CACNA1E: variants seen among roughly 807,000 people sequenced by gnomAD.
CACNA1E encodes voltage-dependent R-type calcium channel subunit alpha-1E.
CACNA1E carries 40 observed loss-of-function variants against 259.2 expected under a neutral mutation model. That is an observed-to-expected ratio of 0.15 (90% CI 0.12 to 0.20). The LOEUF (loss-of-function observed/expected upper bound fraction) is 0.20, where lower values mean the gene tolerates loss of function less well. Among genes scored for constraint, CACNA1E ranks in the 10% least tolerant of loss-of-function variants. The pLI is 1.00. For missense variants in CACNA1E, 1,874 were observed against 3,040.1 expected (o/e 0.62, Z 9.02); for synonymous variants, 1,104 against 1,138.5 (o/e 0.97, Z 0.61).
chr1:181,710,932 A>G (rs375427769), intron 7 of CACNA1E, 22 bp from the exon 8 acceptor site: 31 of 1,546,108 alleles, frequency 2.0e-5, no homozygotes, highest in Non-Finnish European at 2.7e-5. Context: ...AACCCAGTGA[A>G]TCTTATCCTT....
chr1:181,527,315 C>T (rs1667435194), intron 3 of CACNA1E, among the ~76,000 whole-genome samples: 1 of 152,218 alleles, frequency 6.6e-6, no homozygotes, highest in African/African-American at 2.4e-5. Flanking sequence ...TGTAAGGACA[C>T]TAATCCCATA....
At chr1:181,748,369 A>T (rs1657293247) in intron 25 of CACNA1E, among the ~76,000 whole-genome samples, 1 of 152,206 alleles carries the variant, frequency 6.6e-6, no homozygotes, top group Non-Finnish European at 1.5e-5. Context: ...ATGCTTTACT[A>T]GGATTCTGGG....
rs951952635 is a variant in CACNA1E at position 181,802,207 on chromosome 1, T to TG, written c.*3378dup. On this transcript the variant is annotated 3_prime_UTR_variant, in exon 48 of 48. Transcript: ENST00000367573. ...CATGAGTCATGAACACAATTGTCAG[T>TG]GGGGGTCTCTGCTGCTCTTCTGGCT... 1.3e-5 allele frequency: 2 copies of TG among 152,272 alleles called. No homozygotes were observed. The highest frequency in any genetic ancestry group is 2.9e-5 in the Non-Finnish European group (2 of 68,098). 9.4% of individuals were successfully genotyped at this position (152,272 alleles called of 1,614,324 possible).
chr1:181,322,088 C>G (rs1162858096), intron 1 of CACNA1E, among the ~76,000 whole-genome samples: 3 of 152,142 alleles, frequency 2.0e-5, no homozygotes, highest in Non-Finnish European at 4.4e-5. Flanking sequence ...AGCGACTGCC[C>G]TTGGTCTCCT....
chr1:181,516,912 GTAGA>G (rs1174822646), intron 3 of CACNA1E, among the ~76,000 whole-genome samples: 1 of 152,192 alleles, frequency 6.6e-6, no homozygotes, highest in African/African-American at 2.4e-5. Flanking sequence ...AGCACATGGT[GTAGA>G]CTCTGGGGAG....
rs143644409 is a variant in CACNA1E, at chr1:181,606,354, A to G, written c.951+25578A>G. ...GAGTTGCCCAAGCCAAAAACCTCAC[A>G]TTGTCCTTCTTTTTCCCTACTCCTT... On this transcript the variant is annotated intron_variant, in intron 6 of 47. Coordinates refer to ENST00000367573, the MANE Select transcript of CACNA1E (RefSeq NM_001205293.3). Among the ~76,000 whole-genome samples, 123 of 152,078 alleles carry G rather than the reference A, an allele frequency of 8.1e-4. 2 individuals are homozygous for G. In the Middle Eastern group the frequency reaches 0.014, roughly 17 times the overall value.
At chr1:181,661,670 G>C (rs1647694801) in intron 7 of CACNA1E, among the ~76,000 whole-genome samples, 1 of 152,160 alleles carries the variant, frequency 6.6e-6, no homozygotes, top group South Asian at 2.1e-4. Flanking sequence ...TTTCTTGTAA[G>C]CTATAATTTT....
intron 7 of CACNA1E, among the ~76,000 whole-genome samples, chr1:181,679,433 A>G (rs1439962376): frequency 1.3e-5 from 2 of 152,176 alleles, no homozygotes; most frequent in Non-Finnish European, 2.9e-5. Context: ...AAATGCACAG[A>G]GCAAAGGTCC....
chr1:181,771,247 C>A, intron 35 of CACNA1E, 46 bp from the exon 36 acceptor site: 1 of 1,104,758 alleles, frequency 9.1e-7, no homozygotes, highest in Non-Finnish European at 1.4e-6. Context: ...GGACACATCA[C>A]ACAGCTTGGT....
chr1:181,546,519 T>C (rs1268441843), intron 3 of CACNA1E, among the ~76,000 whole-genome samples: 3 of 152,128 alleles, frequency 2.0e-5, no homozygotes, highest in African/African-American at 7.2e-5. Flanking sequence ...TCTCAAATTG[T>C]CCCCTTTCCC....
intron 3 of CACNA1E, among the ~76,000 whole-genome samples, chr1:181,561,138 A>C (rs1444378832): frequency 6.6e-6 from 1 of 152,186 alleles, no homozygotes; most frequent in East Asian, 1.9e-4. Flanking sequence ...CAGATGAAAA[A>C]GTTCTGGAGA....
chr1:181,682,307 G>A (rs969085175), intron 7 of CACNA1E, among the ~76,000 whole-genome samples: 1 of 152,092 alleles, frequency 6.6e-6, no homozygotes, highest in African/African-American at 2.4e-5. Context: ...AGTACATTTA[G>A]GACTTGATGA....
chr1:181,517,601 C>T (rs1338981737), intron 3 of CACNA1E, among the ~76,000 whole-genome samples: 1 of 151,554 alleles, frequency 6.6e-6, no homozygotes, highest in African/African-American at 2.4e-5. Context: ...CAGAGCCAAG[C>T]AGAAAGAGGG....
chr1:181,321,609 G>A (rs906337358), intron 1 of CACNA1E, among the ~76,000 whole-genome samples: 1 of 152,124 alleles, frequency 6.6e-6, no homozygotes, highest in Admixed American at 6.5e-5. Flanking sequence ...GTGTTGGTTG[G>A]GTCCCTCAGA....
intron 2 of CACNA1E, among the ~76,000 whole-genome samples, chr1:181,471,253 C>T (rs1324357212): frequency 6.6e-6 from 1 of 152,214 alleles, no homozygotes; most frequent in Non-Finnish European, 1.5e-5. Flanking sequence ...TAAGTTTTAA[C>T]ATGAAATTTG....
At chr1:181,740,833 C>T (rs902315516) in intron 25 of CACNA1E, among the ~76,000 whole-genome samples, 11 of 152,140 alleles carry the variant, frequency 7.2e-5, no homozygotes, top group Non-Finnish European at 1.5e-4. Flanking sequence ...GGAAATTTTA[C>T]AGAAGCATGG....
At chr1:181,327,611 T>A (rs568656164) in intron 1 of CACNA1E, among the ~76,000 whole-genome samples, 1 of 152,200 alleles carries the variant, frequency 6.6e-6, no homozygotes, top group Non-Finnish European at 1.5e-5. Context: ...CAATATATTG[T>A]CTAGAACACA....
chr1:181,798,842 T>A lies in CACNA1E; in HGVS notation c.*8T>A, dbSNP rs761460188. 9 of 1,488,534 alleles carry A rather than the reference T, an allele frequency of 6.0e-6. No homozygotes were observed. Among genetic ancestry groups the A allele is most frequent in the African/African-American group, 1.4e-5 (1 of 71,450 alleles). The allele number at this position is 1,488,534 out of a possible 1,614,324, so 92.2% of individuals were successfully genotyped here. A position where few individuals can be genotyped will look rare whatever the true frequency, so the allele number is the denominator to read the frequency against. ...GAAGATGACAAATGCTAGAGGCTGC[T>A]CCCCCCTCCGATGCATGCTCTTCTC... On this transcript the variant is annotated 3_prime_UTR_variant, in exon 48 of 48. Coordinates refer to ENST00000367573, the MANE Select transcript of CACNA1E (RefSeq NM_001205293.3). The surrounding 1 kb of genome is among the most constrained non-coding windows in gnomAD (Gnocchi z 4.2).
chr1:181,666,447 C>T (rs1176215701), intron 7 of CACNA1E, among the ~76,000 whole-genome samples: 2 of 152,020 alleles, frequency 1.3e-5, no homozygotes, highest in African/African-American at 2.4e-5. Flanking sequence ...AAAGACAAAC[C>T]CTGCTCTTGA....
Sources: gnomAD v4.1 joint callset for allele counts (sites outside exome capture counted in the v4.1 genomes callset) on GRCh38, gnomAD v4.1.1 for gene constraint, Gnocchi (gnomAD v3.1) non-coding constraint, MANE v1.5 for transcripts, NCBI Gene and HGNC (gene_info 2026-07-23, HGNC 2026-07-21) for gene names.